The following TANC1 variants were observed in gnomAD, a reference collection of about 807,000 sequenced individuals.
The protein encoded by TANC1 is protein TANC1.
A neutral mutation model predicts 149.7 loss-of-function variants in TANC1; 77 were observed. The observed-to-expected ratio is 0.51, with a 90% CI of 0.43 to 0.62. The LOEUF (loss-of-function observed/expected upper bound fraction) is 0.62. Ranked by LOEUF, TANC1 falls within the 20% of genes least tolerant of loss-of-function variation. TANC1 has a pLI of 0.00. For synonymous variants in TANC1, 854 were observed against 925.0 expected, an observed-to-expected ratio of 0.92 and a Z score of 1.39; for missense variants, 1,985 against 2,321.8, an observed-to-expected ratio of 0.85 and a Z score of 2.98.
intron 2 of TANC1, among the ~76,000 whole-genome samples, chr2:159,036,551 GC>G (rs2040208730): frequency 6.6e-6 from 1 of 151,482 alleles, no homozygotes; most frequent in Non-Finnish European, 1.5e-5. Context: ...GATGTTTCCC[GC>G]CCTGTGTCCA....
intron 7 of TANC1, 99 bp downstream of exon 7, chr2:159,150,655 G>A: frequency 1.1e-6 from 1 of 918,126 alleles, no homozygotes; most frequent in Non-Finnish European, 1.7e-6. Flanking sequence ...GTCTGTGAAG[G>A]TCAGTCTGCC....
intron 4 of TANC1, among the ~76,000 whole-genome samples, chr2:159,132,596 C>G (rs2050217569): frequency 6.6e-6 from 1 of 151,464 alleles, no homozygotes; most frequent in South Asian, 2.1e-4. Flanking sequence ...TCAAGTGATT[C>G]TCGTACTTCA....
rs563725628 is a variant in TANC1 at position 159,228,131 on chromosome 2, G to A, written c.4050+166G>A. 5.3e-5 allele frequency: 39 copies of A among 729,078 alleles called. 1 individual carries two copies. The highest frequency in any genetic ancestry group is 1.3e-4 in the South Asian group (7 of 53,812). The allele number at this position is 729,078 out of a possible 1,614,324, so 45.2% of individuals were successfully genotyped here. On this transcript the variant is annotated intron_variant, in intron 25 of 26. Coordinates refer to ENST00000263635, the MANE Select transcript of TANC1 (RefSeq NM_033394.3). ...GAAACAGCTCCTATCCGTGACTATC[G>A]TTTGGTCACGGCTGCTACGCTCCTC...
intron 4 of TANC1, among the ~76,000 whole-genome samples, chr2:159,130,947 A>C (rs1385158051): frequency 1.3e-5 from 2 of 152,132 alleles, no homozygotes; most frequent in African/African-American, 4.8e-5. Flanking sequence ...TAAGGTGCTA[A>C]AAGCTGATTG....
At chr2:159,212,873 T>C (rs1461807574) in intron 19 of TANC1, among the ~76,000 whole-genome samples, 1 of 149,734 alleles carries the variant, frequency 6.7e-6, no homozygotes, top group Non-Finnish European at 1.5e-5. Flanking sequence ...TGAGCCGAGA[T>C]TGTGCTACTG....
At chr2:159,129,466 A>G (rs766156065) in intron 4 of TANC1, among the ~76,000 whole-genome samples, 1 of 152,206 alleles carries the variant, frequency 6.6e-6, no homozygotes, top group Non-Finnish European at 1.5e-5. Flanking sequence ...TCTGGGCTGC[A>G]GAGTGGAGTA....
chr2:159,121,453 C>T (rs1338936634), intron 4 of TANC1, among the ~76,000 whole-genome samples: 1 of 152,204 alleles, frequency 6.6e-6, no homozygotes, highest in Non-Finnish European at 1.5e-5. Flanking sequence ...TCTGCCTCAA[C>T]CTCCTGAGTA....
At chr2:159,004,084 C>T in intron 2 of TANC1, 1 of 1,611,974 alleles carries the variant, frequency 6.2e-7, no homozygotes, top group East Asian at 2.2e-5. Context: ...TCCCTTTCTG[C>T]TAATACCTTT....
chr2:159,175,579 C>T (rs1459382136), intron 12 of TANC1, among the ~76,000 whole-genome samples: 2 of 152,168 alleles, frequency 1.3e-5, no homozygotes, highest in Non-Finnish European at 2.9e-5. Context: ...AGGGCCTCTG[C>T]TCAGTTGAAT....
At chr2:159,202,527 C>T (rs2058320044) in intron 19 of TANC1, among the ~76,000 whole-genome samples, 1 of 152,106 alleles carries the variant, frequency 6.6e-6, no homozygotes, top group Non-Finnish European at 1.5e-5. Flanking sequence ...AGGGACCAGC[C>T]ATTCAGAACT....
intron 4 of TANC1, among the ~76,000 whole-genome samples, chr2:159,124,132 C>T (rs964658746): frequency 2.0e-5 from 3 of 151,958 alleles, no homozygotes; most frequent in Non-Finnish European, 4.4e-5. Flanking sequence ...CTGAGGCGGG[C>T]GGATCATTTG....
In TANC1 at chr2:159,124,843, G is replaced by A. The variant is rs183591031; in HGVS notation, c.260-11351G>A. ...CAGCCTCGACTTGTGTGATCCTCCC[G>A]CCTCAGCTCTCCCCACCCCCCGCCC... On this transcript the variant is annotated intron_variant, in intron 4 of 26. Coordinates refer to ENST00000263635, the MANE Select transcript of TANC1 (RefSeq NM_033394.3). Among the ~76,000 whole-genome samples the A allele has an allele frequency of 3.1e-3, 468 of 148,688 alleles. 2 individuals carry two copies. The highest frequency in any genetic ancestry group is 0.011 in the African/African-American group (429 of 40,130).
rs775276733 is a variant in TANC1 at position 159,230,524 on chromosome 2, A to G, written c.5098A>G (p.Arg1700Gly). ...DGFKVQGPDTRIKDKVVTHVQ... is the reference protein window; with the variant it reads ...DGFKVQGPDTGIKDKVVTHVQ... ...CTTCAAGGTCCAAGGACCAGATACTAGAATTAAAGACAAGGTTGTAACCCA... is the reference window on the plus strand; with the variant it reads ...CTTCAAGGTCCAAGGACCAGATACTGGAATTAAAGACAAGGTTGTAACCCA... Residue 1700 changes from arginine (R) to glycine (G), a missense_variant, in exon 27 of 27, where the codon AGA (arginine) becomes GGA (glycine). By Grantham distance (125) the Arg-to-Gly change is moderately radical (BLOSUM62 -2). This residue lies in a region of TANC1 where 920 missense variants were observed against 994.7 expected (regional missense o/e 0.92). Coordinates refer to ENST00000263635, the MANE Select transcript of TANC1 (RefSeq NM_033394.3). This position sits in a 1 kb window ranked among gnomAD's most constrained non-coding sequence, Gnocchi z 4.4. The G allele has an allele frequency of 6.2e-7, 1 of 1,614,222 alleles. No homozygotes were observed. Among genetic ancestry groups the G allele is most frequent in the South Asian group, 1.1e-5 (1 of 91,086 alleles).
intron 15 of TANC1, 105 bp downstream of exon 15, chr2:159,186,004 C>A: frequency 2.5e-6 from 2 of 793,122 alleles, no homozygotes; most frequent in Non-Finnish European, 4.2e-6. Flanking sequence ...ACGCTCCATG[C>A]ACCTCAGCCC....
intron 1 of TANC1, among the ~76,000 whole-genome samples, chr2:158,998,548 C>T (rs2036341677): frequency 6.6e-6 from 1 of 152,104 alleles, no homozygotes; most frequent in South Asian, 2.1e-4. Context: ...AGCCTCGAGG[C>T]GTGTGGGAAA....
chr2:159,222,363 C>T (rs948394297), intron 22 of TANC1, among the ~76,000 whole-genome samples: 6 of 152,176 alleles, frequency 3.9e-5, no homozygotes, highest in African/African-American at 1.4e-4. Flanking sequence ...TTTCATCTTG[C>T]AAAGGTGAAA....
intron 4 of TANC1, among the ~76,000 whole-genome samples, chr2:159,099,330 T>C (rs2046432242): frequency 6.6e-6 from 1 of 152,138 alleles, no homozygotes; most frequent in Non-Finnish European, 1.5e-5. Flanking sequence ...TGTATCTCTT[T>C]GTCACATTTC....
chr2:159,217,366 C>A (rs1370233338), intron 19 of TANC1, 131 bp from the exon 20 acceptor site: 4 of 1,155,006 alleles, frequency 3.5e-6, no homozygotes, highest in Non-Finnish European at 5.0e-6. Flanking sequence ...TGTCACAGAG[C>A]CCCCGCAGGT....
intron 18 of TANC1, 102 bp from the exon 19 acceptor site, chr2:159,198,873 G>C: frequency 1.3e-6 from 1 of 781,628 alleles, no homozygotes; most frequent in South Asian, 1.6e-5. Flanking sequence ...GGCAGTGTGA[G>C]ATAATGGTTA....
Sources: allele counts gnomAD v4.1 joint callset (sites outside exome capture counted in the v4.1 genomes callset), GRCh38; gene constraint gnomAD v4.1.1; regional missense constraint gnomAD v4.1.1; non-coding constraint Gnocchi (gnomAD v3.1); transcripts MANE v1.5; gene names NCBI Gene and HGNC (gene_info 2026-07-23, HGNC 2026-07-21).